NSUN7: variants seen among roughly 807,000 people sequenced by gnomAD.
NSUN7 encodes the protein NOP2/Sun RNA methyltransferase family member 7, also known as protein NSUN7.
A neutral mutation model predicts 58.5 loss-of-function variants in NSUN7; 39 were observed. The ratio of observed to expected loss-of-function variants is 0.67; its 90% CI spans 0.52 to 0.87. The LOEUF (loss-of-function observed/expected upper bound fraction) is 0.87, where lower values mean the gene tolerates loss of function less well. Ranked by LOEUF, NSUN7 falls within the 40% of genes least tolerant of loss-of-function variation. The pLI is 0.00. For synonymous variants in NSUN7, 278 were observed against 303.7 expected (o/e 0.92, Z 0.88); for missense variants, 765 against 844.1 (o/e 0.91, Z 1.16).
chr4:40,802,071 C>CT (rs1003796806), intron 10 of NSUN7, among the ~76,000 whole-genome samples: 4 of 151,932 alleles, frequency 2.6e-5, no homozygotes, highest in Non-Finnish European at 5.9e-5. Context: ...ATAATTTCAT[C>CT]TTTTTTATAT....
intron 10 of NSUN7, among the ~76,000 whole-genome samples, chr4:40,799,818 T>G (rs912379697): frequency 6.6e-6 from 1 of 152,226 alleles, no homozygotes; most frequent in African/African-American, 2.4e-5. Flanking sequence ...TCTCATCACC[T>G]ACCTGTTGCT....
intron 9 of NSUN7, among the ~76,000 whole-genome samples, chr4:40,797,221 A>C (rs1743359374): frequency 1.3e-5 from 2 of 152,148 alleles, no homozygotes; most frequent in South Asian, 4.1e-4. Context: ...GGAGTGTGCC[A>C]CAGTCCATGC....
chr4:40,808,489 C>T lies in NSUN7; in HGVS notation c.1707C>T (p.Phe569=), dbSNP rs1377358278. ...GCATCCAAATGAAAATTGCTGAGTT[C>T]CTGAATCGAGAAACTAAAGCCAGTG... ...DNGIQMKIAE[F]LNRETKASAN... Residue 569 remains phenylalanine (F), a synonymous_variant, in exon 12 of 12, where the codon TTC becomes TTT. Coordinates refer to ENST00000381782, the MANE Select transcript of NSUN7 (RefSeq NM_024677.6). 1 of 1,563,344 alleles carries T rather than the reference C, an allele frequency of 6.4e-7. No individual in the cohort carries two copies.
At chr4:40,799,994 A>G (rs1033889159) in intron 10 of NSUN7, among the ~76,000 whole-genome samples, 1 of 152,218 alleles carries the variant, frequency 6.6e-6, no homozygotes, top group Non-Finnish European at 1.5e-5. Flanking sequence ...ATCCTCTTAT[A>G]TATAATTGTT....
chr4:40,788,646 C>G (rs1742942484), intron 7 of NSUN7, among the ~76,000 whole-genome samples: 2 of 152,182 alleles, frequency 1.3e-5, no homozygotes, highest in African/African-American at 4.8e-5. Flanking sequence ...GAAGAAAGGA[C>G]TTTTCTTCTT....
chr4:40,767,379 G>T (rs910456319), intron 4 of NSUN7, among the ~76,000 whole-genome samples: 4 of 152,200 alleles, frequency 2.6e-5, no homozygotes, highest in Non-Finnish European at 5.9e-5. Context: ...CAGTTTCCAT[G>T]TAGTTGAGCG....
At chr4:40,783,923 C>T (rs1488756547) in intron 7 of NSUN7, among the ~76,000 whole-genome samples, 1 of 151,106 alleles carries the variant, frequency 6.6e-6, no homozygotes, top group African/African-American at 2.4e-5. Context: ...GACTTGTATT[C>T]AGAATATATA....
chr4:40,788,125 G>T (rs1308054986), intron 7 of NSUN7, among the ~76,000 whole-genome samples: 1 of 152,192 alleles, frequency 6.6e-6, no homozygotes, highest in East Asian at 1.9e-4. Flanking sequence ...GAGCCACCGT[G>T]CCCGGCCGAG....
chr4:40,753,911 C>T (rs1389578403), intron 2 of NSUN7, among the ~76,000 whole-genome samples: 1 of 152,122 alleles, frequency 6.6e-6, no homozygotes, highest in African/African-American at 2.4e-5. Flanking sequence ...TGAGATGTGC[C>T]TTTCACCTTC....
At chr4:40,779,684 T>G (rs186974472) in intron 7 of NSUN7, among the ~76,000 whole-genome samples, 1 of 152,298 alleles carries the variant, frequency 6.6e-6, no homozygotes, top group Non-Finnish European at 1.5e-5. Flanking sequence ...TAGGTAAATC[T>G]AAATGATTAT....
At chr4:40,782,034 C>A (rs1238467841) in intron 7 of NSUN7, among the ~76,000 whole-genome samples, 1 of 152,006 alleles carries the variant, frequency 6.6e-6, no homozygotes, top group African/African-American at 2.4e-5. Flanking sequence ...AACAAGCAAA[C>A]CTTCTCTGTA....
intron 10 of NSUN7, among the ~76,000 whole-genome samples, chr4:40,800,179 G>T (rs1196678275): frequency 2.0e-5 from 3 of 152,096 alleles, no homozygotes; most frequent in African/African-American, 2.4e-5. Flanking sequence ...ACTCACTTGT[G>T]GGGTGAAAAC....
At chr4:40,794,742 T>A (rs1743244363) in intron 9 of NSUN7, among the ~76,000 whole-genome samples, 1 of 152,248 alleles carries the variant, frequency 6.6e-6, no homozygotes, top group African/African-American at 2.4e-5. Context: ...ATTATGTATA[T>A]TTGTAATTGT....
chr4:40,786,340 G>A, intron 7 of NSUN7: 2 of 1,612,190 alleles, frequency 1.2e-6, no homozygotes, highest in Non-Finnish European at 1.7e-6. Flanking sequence ...CTGGGATGTA[G>A]GTGGTCAGGA....
chr4:40,763,933 TA>T (rs1401574480), intron 4 of NSUN7, among the ~76,000 whole-genome samples: 1 of 152,196 alleles, frequency 6.6e-6, no homozygotes, highest in African/African-American at 2.4e-5. Flanking sequence ...CAATTCATAA[TA>T]TACTATAGGA....
intron 10 of NSUN7, among the ~76,000 whole-genome samples, chr4:40,801,750 T>A (rs2154289288): frequency 6.6e-6 from 1 of 151,524 alleles, no homozygotes; most frequent in Non-Finnish European, 1.5e-5. Context: ...AATACAAAAA[T>A]TAGCCACGTG....
chr4:40,808,654 CT>C lies in NSUN7; in HGVS notation c.1873del (p.Ser625ProfsTer11). ...CTGCATTTGTGAAGAACACTTGTCC[CT>C]CCAGACCGCGTGAACGGCAGACACA... Reference protein sequence around the residue: ...VPAFVKNTCPSRPRERQTHFL... With the variant: ...VPAFVKNTCPXRPRERQTHFL... On this transcript the variant is annotated frameshift_variant, in exon 12 of 12. Coordinates refer to ENST00000381782, the MANE Select transcript of NSUN7 (RefSeq NM_024677.6). LOFTEE classifies it low-confidence loss of function (END_TRUNC). 6.4e-7 allele frequency: 1 copy of C among 1,551,866 alleles called. No individual in the cohort carries two copies. The highest frequency in any genetic ancestry group is 1.2e-5 in the South Asian group (1 of 84,032).
At chr4:40,786,819 A>T in intron 7 of NSUN7, 1 of 1,141,128 alleles carries the variant, frequency 8.8e-7, no homozygotes, top group Non-Finnish European at 1.2e-6. Flanking sequence ...GCCCTCCTGG[A>T]TGCTATTAAA....
At position 40,790,672 on chromosome 4, in the gene NSUN7, G is replaced by T. The variant is rs1442918291; in HGVS notation, c.1107G>T (p.Val369=). The change falls in exon 8 of 12, where the codon GTG becomes GTT. Residue 369 remains valine, a synonymous_variant. Transcript: ENST00000381782. The part of the protein sequence containing the change: ...SKDHRLQKVK[V]ILLLPRCSGL... Reference sequence around the variant, plus strand: ...ATCACAGGTTACAGAAAGTTAAAGTGATTTTGCTGCTACCTCGTTGTTCAG... The same window carrying T: ...ATCACAGGTTACAGAAAGTTAAAGTTATTTTGCTGCTACCTCGTTGTTCAG... The T allele has an allele frequency of 9.4e-6, 15 of 1,602,996 alleles. No homozygotes were observed. The highest frequency in any genetic ancestry group is 1.1e-5 in the Non-Finnish European group (13 of 1,173,812).
Sources: allele counts gnomAD v4.1 joint callset (sites outside exome capture counted in the v4.1 genomes callset), GRCh38; gene constraint gnomAD v4.1.1; transcripts MANE v1.5; gene names NCBI Gene and HGNC (gene_info 2026-07-23, HGNC 2026-07-21).